The following ADGRB3 variants were observed in gnomAD, a reference collection of about 807,000 sequenced individuals.
ADGRB3 encodes the protein brain-specific angiogenesis inhibitor 3.
ADGRB3 carries 37 observed loss-of-function variants against 193.4 expected under a neutral mutation model. That is an observed-to-expected ratio of 0.19 (90% confidence interval 0.15 to 0.25). ADGRB3 has a LOEUF of 0.25. ADGRB3 is among the 10% of genes least tolerant of loss of function. The probability of loss-of-function intolerance (pLI) is 1.00; values close to 1 mark genes in which losing one functional copy is unlikely to be tolerated. For synonymous variants in ADGRB3, 690 were observed against 644.2 expected (o/e 1.07, Z -1.08); for missense variants, 1,637 against 1,852.9 (o/e 0.88, Z 2.14).
intron 29 of ADGRB3, among the ~76,000 whole-genome samples, chr6:69,372,018 A>G (rs995469388): frequency 6.6e-5 from 10 of 152,126 alleles, no homozygotes; most frequent in African/African-American, 2.2e-4. Context: ...TTTTTCCTAT[A>G]CAACTTTTAA....
chr6:69,079,011 A>T (rs1211655981), intron 17 of ADGRB3, among the ~76,000 whole-genome samples: 1 of 152,070 alleles, frequency 6.6e-6, no homozygotes, highest in African/African-American at 2.4e-5. Flanking sequence ...TTATCAGTTG[A>T]TAAATATTTC....
chr6:69,030,788 CAT>C (rs1315229629), intron 13 of ADGRB3, among the ~76,000 whole-genome samples: 3 of 152,078 alleles, frequency 2.0e-5, no homozygotes, highest in Admixed American at 6.6e-5. Context: ...AAACAAAACA[CAT>C]AGACATAGCC....
intron 3 of ADGRB3, among the ~76,000 whole-genome samples, chr6:68,829,669 A>C (rs867440586): frequency 3.3e-5 from 5 of 152,330 alleles, no homozygotes; most frequent in South Asian, 2.1e-4. Flanking sequence ...TAAAACAAAA[A>C]ATTTACAAAT....
chr6:68,823,447 T>C (rs1481354413), intron 3 of ADGRB3, among the ~76,000 whole-genome samples: 1 of 152,044 alleles, frequency 6.6e-6, no homozygotes, highest in Non-Finnish European at 1.5e-5. Context: ...TAGATACTAA[T>C]ATTCTATTAT....
At chr6:68,949,736 A>T (rs766465490) in intron 6 of ADGRB3, among the ~76,000 whole-genome samples, 1 of 152,108 alleles carries the variant, frequency 6.6e-6, no homozygotes, top group Admixed American at 6.6e-5. Context: ...TTGTATGACA[A>T]TTATATTTGT....
chr6:68,982,174 A>G (rs1261211062), intron 10 of ADGRB3, among the ~76,000 whole-genome samples: 1 of 152,042 alleles, frequency 6.6e-6, no homozygotes, highest in African/African-American at 2.4e-5. Context: ...AGATCTGCAT[A>G]ATCTGTGAGT....
At chr6:69,210,882 G>A (rs755310705) in intron 17 of ADGRB3, among the ~76,000 whole-genome samples, 2 of 152,010 alleles carry the variant, frequency 1.3e-5, no homozygotes, top group Non-Finnish European at 1.5e-5. Context: ...TTGGGAGGCC[G>A]AGGCTGGCGG....
chr6:69,184,755 A>C (rs915659494), intron 17 of ADGRB3, among the ~76,000 whole-genome samples: 2 of 152,128 alleles, frequency 1.3e-5, no homozygotes, highest in African/African-American at 2.4e-5. Context: ...AAGGAAAATA[A>C]GGTAAATAAA....
intron 17 of ADGRB3, among the ~76,000 whole-genome samples, chr6:69,121,704 G>C (rs1363118292): frequency 2.0e-5 from 3 of 151,792 alleles, no homozygotes; most frequent in Non-Finnish European, 4.4e-5. Flanking sequence ...AGATGGGGTG[G>C]CGGCCGGGCA....
intron 20 of ADGRB3, among the ~76,000 whole-genome samples, chr6:69,256,670 CT>C (rs1766779519): frequency 6.6e-6 from 1 of 152,204 alleles, no homozygotes; most frequent in African/African-American, 2.4e-5. Flanking sequence ...TTGACTGCCT[CT>C]TTTCCTAAAT....
chr6:69,168,003 A>T (rs1775173494), intron 17 of ADGRB3, among the ~76,000 whole-genome samples: 1 of 152,198 alleles, frequency 6.6e-6, no homozygotes, highest in African/African-American at 2.4e-5. Flanking sequence ...ATGAGAAACG[A>T]TGTATGATCT....
chr6:68,854,177 T>G (rs1271375339), intron 3 of ADGRB3, among the ~76,000 whole-genome samples: 1 of 152,190 alleles, frequency 6.6e-6, no homozygotes, highest in African/African-American at 2.4e-5. Context: ...TGTCATTTCC[T>G]TCCATTAGGT....
intron 20 of ADGRB3, among the ~76,000 whole-genome samples, chr6:69,269,688 A>G (rs999014539): frequency 6.6e-6 from 1 of 152,284 alleles, no homozygotes; most frequent in Non-Finnish European, 1.5e-5. Flanking sequence ...ATATCATATG[A>G]TTTCATAGGT....
chr6:68,976,857 C>T (rs1768763953), intron 10 of ADGRB3, among the ~76,000 whole-genome samples: 1 of 151,778 alleles, frequency 6.6e-6, no homozygotes, highest in South Asian at 2.1e-4. Context: ...AGGGCCATTG[C>T]TACAGATATG....
At chr6:68,801,663 T>C (rs902640274) in intron 3 of ADGRB3, among the ~76,000 whole-genome samples, 15 of 152,040 alleles carry the variant, frequency 9.9e-5, no homozygotes, top group Admixed American at 7.2e-4. Flanking sequence ...CACTCCAGCC[T>C]GGGCAACAAG....
chr6:68,930,567 A>G lies in ADGRB3; in HGVS notation c.766A>G (p.Met256Val). The change falls in exon 4 of 32, where the codon ATG (methionine) becomes GTG (valine). Residue 256 changes from methionine to valine, a missense_variant. Met to Val is a conservative substitution (Grantham distance 21). This residue lies in a region of ADGRB3 where 365 missense variants were observed against 409.8 expected (regional missense o/e 0.89). Coordinates refer to ENST00000370598, the MANE Select transcript of ADGRB3 (RefSeq NM_001704.3). ...CTTTATTCTGTCTTTAGAATTTGGA[A>G]TGATGGGAGATCATACAATTAAAAG... is the stretch of plus-strand genomic sequence containing the variant. ...AKRPPKEEFG[M>V]MGDHTIKSQR... is the part of the protein sequence containing the mutation. 6.2e-7 allele frequency: 1 copy of G among 1,608,790 alleles called. No individual in the cohort carries two copies. The highest frequency in any genetic ancestry group is 8.5e-7 in the Non-Finnish European group (1 of 1,176,826).
chr6:69,040,675 C>CAAAAAAAAAAAAAAAAAAAAAAAAAAAA, intron 13 of ADGRB3, among the ~76,000 whole-genome samples: 1 of 19,518 alleles, frequency 5.1e-5, no homozygotes, highest in South Asian at 3.3e-3. Flanking sequence ...GACTGATGGA[C>CAAAAAAAAAAAAAAAAAAAAAAAAAAAA]AAAAAAAAAA....
chr6:68,903,755 C>T (rs916217328), intron 3 of ADGRB3, among the ~76,000 whole-genome samples: 2 of 151,676 alleles, frequency 1.3e-5, no homozygotes, highest in African/African-American at 2.4e-5. Context: ...GCCTGAAATC[C>T]CATCGCTTTG....
intron 17 of ADGRB3, among the ~76,000 whole-genome samples, chr6:69,080,569 AT>A (rs930346549): frequency 3.4e-4 from 51 of 151,960 alleles, no homozygotes; most frequent in African/African-American, 1.2e-3. Context: ...AAACAGCAAT[AT>A]CATGGTCTCA....
Sources: allele counts gnomAD v4.1 joint callset (sites outside exome capture counted in the v4.1 genomes callset), GRCh38; gene constraint gnomAD v4.1.1; regional missense constraint gnomAD v4.1.1; transcripts MANE v1.5; gene names NCBI Gene and HGNC (gene_info 2026-07-23, HGNC 2026-07-21).